PPP1R16B: variants seen among roughly 807,000 people sequenced by gnomAD.
PPP1R16B encodes protein phosphatase 1 regulatory subunit 16B.
PPP1R16B carries 14 observed loss-of-function variants against 61.7 expected under a neutral mutation model. The observed-to-expected ratio is 0.23, with a 90% CI of 0.15 to 0.35. The LOEUF (loss-of-function observed/expected upper bound fraction) is 0.35, where lower values mean the gene tolerates loss of function less well. PPP1R16B is among the 10% of genes least tolerant of loss of function. The pLI is 1.00. For missense variants in PPP1R16B, 547 were observed against 752.5 expected, an observed-to-expected ratio of 0.73 and a Z score of 3.19; for synonymous variants, 266 against 305.3, an observed-to-expected ratio of 0.87 and a Z score of 1.34.
At chr20:38,822,597 G>C (rs1322516864) in intron 1 of PPP1R16B, among the ~76,000 whole-genome samples, 1 of 149,740 alleles carries the variant, frequency 6.7e-6, no homozygotes, top group Non-Finnish European at 1.5e-5. Context: ...CTTACTAGAA[G>C]CAGGACCTCT....
intron 2 of PPP1R16B, among the ~76,000 whole-genome samples, chr20:38,880,672 A>C (rs1224584784): frequency 6.6e-6 from 1 of 152,192 alleles, no homozygotes; most frequent in Non-Finnish European, 1.5e-5. Flanking sequence ...TCTCAAAAAG[A>C]AAAAAATACT....
intron 1 of PPP1R16B, among the ~76,000 whole-genome samples, chr20:38,819,497 A>T (rs2084759500): frequency 6.6e-6 from 1 of 152,126 alleles, no homozygotes; most frequent in Non-Finnish European, 1.5e-5. Context: ...TAAACTAAAA[A>T]ATAAATATAT....
At chr20:38,912,526 A>G (rs1344587897) in intron 10 of PPP1R16B, among the ~76,000 whole-genome samples, 1 of 149,812 alleles carries the variant, frequency 6.7e-6, no homozygotes, top group Non-Finnish European at 1.5e-5. Flanking sequence ...AAAAAAAACA[A>G]TTAGGTGGGT....
intron 1 of PPP1R16B, among the ~76,000 whole-genome samples, chr20:38,818,754 CTT>C (rs577315309): frequency 2.2e-4 from 30 of 138,206 alleles, no homozygotes; most frequent in Admixed American, 2.9e-4. Context: ...TGATTGTCCT[CTT>C]TTTTTTTTTT....
At chr20:38,848,853 A>G (rs2084950516) in intron 2 of PPP1R16B, among the ~76,000 whole-genome samples, 1 of 152,176 alleles carries the variant, frequency 6.6e-6, no homozygotes, top group Non-Finnish European at 1.5e-5. Context: ...AAAAATAACT[A>G]ATGGGTACTA....
At chr20:38,879,938 T>C (rs1313612661) in intron 2 of PPP1R16B, among the ~76,000 whole-genome samples, 1 of 152,172 alleles carries the variant, frequency 6.6e-6, no homozygotes, top group East Asian at 1.9e-4. Context: ...GGGTGAAGAT[T>C]CTCTCTGACA....
rs181690236 is a variant in PPP1R16B, at chr20:38,877,080, C to A, written c.251-12515C>A. 1.8e-3 allele frequency among the ~76,000 whole-genome samples: 273 copies of A among 152,156 alleles called. 1 individual carries two copies. The highest frequency in any genetic ancestry group is 6.2e-3 in the African/African-American group (259 of 41,494). ...GTCATTAGAAATTCCTCAAAGATAC[C>A]AGCTGCAGAATATTCCATTATATGG... On this transcript the variant is annotated intron_variant, in intron 2 of 10. Coordinates refer to ENST00000299824, the MANE Select transcript of PPP1R16B (RefSeq NM_015568.4).
intron 10 of PPP1R16B, among the ~76,000 whole-genome samples, chr20:38,917,237 G>A (rs894675197): frequency 1.2e-4 from 18 of 151,594 alleles, no homozygotes; most frequent in Non-Finnish European, 2.2e-4. Flanking sequence ...CAGAGGTTGC[G>A]GTGAGCAGAG....
chr20:38,812,248 C>T (rs755543375), intron 1 of PPP1R16B, among the ~76,000 whole-genome samples: 1 of 152,180 alleles, frequency 6.6e-6, no homozygotes, highest in Non-Finnish European at 1.5e-5. Context: ...GATACAGGAC[C>T]CGTCTTTATC....
intron 2 of PPP1R16B, among the ~76,000 whole-genome samples, chr20:38,841,142 T>C (rs1192176141): frequency 6.6e-6 from 1 of 152,178 alleles, no homozygotes; most frequent in East Asian, 1.9e-4. Flanking sequence ...TCAGTTTACA[T>C]ATTATAAAAT....
chr20:38,897,245 C>T (rs6028187), intron 4 of PPP1R16B, among the ~76,000 whole-genome samples: 3,941 of 152,124 alleles, frequency 0.026, 65 homozygotes, highest in Middle Eastern at 0.058. Context: ...GAGAATCGCT[C>T]GAACCCAGGA....
chr20:38,914,538 A>G (rs930533562), intron 10 of PPP1R16B, among the ~76,000 whole-genome samples: 1 of 152,232 alleles, frequency 6.6e-6, no homozygotes, highest in Non-Finnish European at 1.5e-5. Flanking sequence ...TAGGCAGATA[A>G]GTACATTTAG....
intron 2 of PPP1R16B, among the ~76,000 whole-genome samples, chr20:38,862,937 G>T (rs764721649): frequency 9.8e-5 from 15 of 152,346 alleles, no homozygotes; most frequent in Non-Finnish European, 2.2e-4. Context: ...AAGAGGGTGT[G>T]TGAATGGTGG....
chr20:38,856,630 C>T (rs530674442), intron 2 of PPP1R16B, among the ~76,000 whole-genome samples: 1 of 152,256 alleles, frequency 6.6e-6, no homozygotes, highest in South Asian at 2.1e-4. Flanking sequence ...TCATCCTTCT[C>T]TCAACCAGAT....
chr20:38,883,492 C>T (rs1186252817), intron 2 of PPP1R16B, among the ~76,000 whole-genome samples: 1 of 152,228 alleles, frequency 6.6e-6, no homozygotes, highest in Non-Finnish European at 1.5e-5. Flanking sequence ...GCCAGATTGC[C>T]AGGGAGGTGT....
rs775908346 is a variant in PPP1R16B at position 38,918,166 on chromosome 20, C to T, written c.1204C>T (p.Leu402=). 4 of 1,613,654 alleles carry T rather than the reference C, an allele frequency of 2.5e-6. No individual in the cohort carries two copies. The highest frequency in any genetic ancestry group is 3.4e-6 in the Non-Finnish European group (4 of 1,179,552). ...DQENKDPNPR[L]EKPVLLSEFP... Reference sequence around the variant, plus strand: ...TCCTTCTCACTCGCAGAACCCCAGGCTGGAGAAGCCCGTGCTACTCTCCGA... The same window carrying T: ...TCCTTCTCACTCGCAGAACCCCAGGTTGGAGAAGCCCGTGCTACTCTCCGA... Residue 402 remains leucine, a synonymous_variant, in exon 11 of 11, where the codon CTG becomes TTG. Transcript: ENST00000299824. This position sits in a 1 kb window ranked among gnomAD's most constrained non-coding sequence, Gnocchi z 5.3.
chr20:38,896,118 TC>T (rs879782293), intron 4 of PPP1R16B, among the ~76,000 whole-genome samples: 11,239 of 118,868 alleles, frequency 0.095, 939 homozygotes, highest in East Asian at 0.22. Context: ...CTCCCTTCCT[TC>T]TTTCTTCCCT....
rs777435988 is a variant in PPP1R16B at position 38,902,697 on chromosome 20, C to T, written c.601C>T (p.Arg201Trp). 6 of 1,614,100 alleles carry T rather than the reference C, an allele frequency of 3.7e-6. No homozygotes were observed. The African/African-American group carries it at 4.0e-5, about 11-fold the overall frequency. ...CACCCAAGAGAAAATCAACGAGATG[C>T]GGGTGGCTCCTGAGCAGCAGATGAT... The part of the protein sequence containing the change: ...GITQEKINEM[R>W]VAPEQQMIAD... Residue 201 changes from arginine (R) to tryptophan (W), a missense_variant, in exon 6 of 11, where the codon CGG becomes TGG. By Grantham distance (101) the Arg-to-Trp change is moderately radical. Coordinates refer to ENST00000299824, the MANE Select transcript of PPP1R16B (RefSeq NM_015568.4).
intron 10 of PPP1R16B, among the ~76,000 whole-genome samples, chr20:38,910,530 T>G (rs1333602193): frequency 6.9e-6 from 1 of 145,566 alleles, no homozygotes; most frequent in African/African-American, 2.6e-5. Flanking sequence ...ATAGCAGTAG[T>G]TTTTTTTTGT....
Sources: gnomAD v4.1 joint callset for allele counts (sites outside exome capture counted in the v4.1 genomes callset) on GRCh38, gnomAD v4.1.1 for gene constraint, Gnocchi (gnomAD v3.1) non-coding constraint, MANE v1.5 for transcripts, NCBI Gene and HGNC (gene_info 2026-07-23, HGNC 2026-07-21) for gene names.